The following TUBB8B variants were observed in gnomAD, a reference collection of about 807,000 sequenced individuals.
TUBB8B encodes the protein HSA18p11 beta-tubulin 4Q pseudogene.
A neutral mutation model predicts 31.9 loss-of-function variants in TUBB8B; 26 were observed. The observed-to-expected ratio is 0.81, with a 90% CI of 0.60 to 1.13. TUBB8B has a LOEUF of 1.13. Among genes scored for constraint, TUBB8B ranks in the 50% most tolerant of loss-of-function variants. The pLI is 0.00. For synonymous variants in TUBB8B, 173 were observed against 231.0 expected (o/e 0.75, Z 2.28); for missense variants, 467 against 586.7 (o/e 0.80, Z 2.11).
At chr18:66,414 T>G in the TUBB8B span, among the ~76,000 whole-genome samples, 13 of 152,040 alleles carry the variant, frequency 8.6e-5, no homozygotes, top group African/African-American at 3.1e-4. Flanking sequence ...TAGCCAGATG[T>G]GGTGGTGCAC....
upstream of TUBB8B, among the ~76,000 whole-genome samples, chr18:54,143 C>G (rs1331414331): frequency 5.3e-5 from 8 of 151,794 alleles, no homozygotes; most frequent in Non-Finnish European, 1.5e-5. Flanking sequence ...GACCCCTCTT[C>G]TTGGATAAGG....
upstream of TUBB8B, among the ~76,000 whole-genome samples, chr18:50,900 A>C (rs1474173711): frequency 3.3e-5 from 5 of 152,052 alleles, no homozygotes; most frequent in Non-Finnish European, 5.9e-5. Flanking sequence ...GCAGCAAAGC[A>C]GCATTCTAAC....
chr18:62,545 A>G, the TUBB8B span, among the ~76,000 whole-genome samples: 1 of 151,280 alleles, frequency 6.6e-6, no homozygotes, highest in Non-Finnish European at 1.5e-5. Flanking sequence ...CAGCCTCCCA[A>G]GGAGCTAGGA....
chr18:70,298 A>C, the TUBB8B span, among the ~76,000 whole-genome samples: 7 of 152,234 alleles, frequency 4.6e-5, no homozygotes, highest in East Asian at 1.4e-3. Context: ...ACTGATTACC[A>C]TAGAAAAGCT....
the TUBB8B span, among the ~76,000 whole-genome samples, chr18:66,622 T>C: frequency 6.6e-6 from 1 of 152,212 alleles, no homozygotes; most frequent in East Asian, 1.9e-4. Context: ...TCAGTTCTAT[T>C]GATTTATTCA....
the TUBB8B span, among the ~76,000 whole-genome samples, chr18:61,878 A>G: frequency 6.6e-6 from 1 of 151,810 alleles, no homozygotes; most frequent in East Asian, 1.9e-4. Context: ...ATTTTTGCAC[A>G]CCATAATTAC....
upstream of TUBB8B, among the ~76,000 whole-genome samples, chr18:52,445 TG>T (rs1272653740): frequency 6.6e-6 from 1 of 150,896 alleles, no homozygotes; most frequent in African/African-American, 2.5e-5. Context: ...CCTGTGGGCT[TG>T]GCCTCTAATC....
At chr18:61,634 T>C in the TUBB8B span, among the ~76,000 whole-genome samples, 1 of 132,080 alleles carries the variant, frequency 7.6e-6, no homozygotes, top group Non-Finnish European at 1.6e-5. Flanking sequence ...GATTTAAAAT[T>C]ACCATGAGGC....
At chr18:64,835 G>A in the TUBB8B span, among the ~76,000 whole-genome samples, 1 of 151,964 alleles carries the variant, frequency 6.6e-6, no homozygotes, top group Admixed American at 6.6e-5. Flanking sequence ...AATTCCTCAG[G>A]TATGTTTTCT....
chr18:72,177 C>CAAAAAAAAAAA, the TUBB8B span, among the ~76,000 whole-genome samples: 20 of 78,754 alleles, frequency 2.5e-4, no homozygotes, highest in African/African-American at 4.2e-4. Flanking sequence ...GACTCCATCT[C>CAAAAAAAAAAA]AAAAAAAAAA....
chr18:73,288 G>C, the TUBB8B span: 1 of 164,532 alleles, frequency 6.1e-6, no homozygotes, highest in African/African-American at 2.4e-5. Flanking sequence ...CACTCGCAGC[G>C]CGGGCAGGAA....
At chr18:49,341 C>T in intron 1 of TUBB8B, 104 bp from the exon 2 acceptor site, 3 of 993,134 alleles carry the variant, frequency 3.0e-6, no homozygotes, top group Non-Finnish European at 4.5e-6. Context: ...CCGCCCTGTC[C>T]CTGGGGTCCA....
rs748448260 is a variant in TUBB8B, at chr18:48,135, T to C, written c.590A>G (p.Asp197Gly). 6 of 1,614,178 alleles carry C rather than the reference T, an allele frequency of 3.7e-6. No homozygotes were observed. The highest frequency in any genetic ancestry group is 1.1e-5 in the South Asian group (1 of 91,084). Residue 197 changes from aspartate to glycine, a missense_variant, in exon 4 of 4, where the codon GAT becomes GGT. Asp to Gly is a moderately conservative substitution (Grantham distance 94). This residue lies in a region of TUBB8B where 259 missense variants were observed against 380.1 expected (regional missense o/e 0.68). Coordinates refer to ENST00000308911, the MANE Select transcript of TUBB8B (RefSeq NM_001358689.2). ...LSVHQLIENADETFCIDNEAL... is the reference protein window; with the variant it reads ...LSVHQLIENAGETFCIDNEAL... Reference sequence around the variant, plus strand: ...TTCGTTATCTATGCAGAAGGTCTCATCCGCGTTTTCTATGAGCTGGTGGAC... The same window carrying C: ...TTCGTTATCTATGCAGAAGGTCTCACCCGCGTTTTCTATGAGCTGGTGGAC...
chr18:49,720 C>A, upstream of TUBB8B: 4 of 696,568 alleles, frequency 5.7e-6, no homozygotes, highest in East Asian at 8.3e-5. Context: ...CACACAGGTG[C>A]ACCCACCTGT....
chr18:48,469 C>CA (rs1905845236), intron 3 of TUBB8B, 22 bp from the exon 4 acceptor site: 1 of 1,210,858 alleles, frequency 8.3e-7, no homozygotes, highest in Non-Finnish European at 1.2e-6. Flanking sequence ...CACAGCCGGT[C>CA]ACTCGACGGC....
At chr18:66,405 A>T in the TUBB8B span, among the ~76,000 whole-genome samples, 1 of 152,242 alleles carries the variant, frequency 6.6e-6, no homozygotes, top group Admixed American at 6.5e-5. Context: ...TCAAAAAATT[A>T]GCCAGATGTG....
chr18:50,423 G>A (rs1248426484), upstream of TUBB8B: 1 of 154,118 alleles, frequency 6.5e-6, no homozygotes, highest in African/African-American at 2.4e-5. Context: ...GTTCTCACCT[G>A]GATAGGTTCC....
chr18:68,550 A>G, the TUBB8B span, among the ~76,000 whole-genome samples: 28 of 152,098 alleles, frequency 1.8e-4, no homozygotes, highest in Admixed American at 6.6e-5. Flanking sequence ...GCAGATGCAG[A>G]CCCTGCGTTC....
chr18:48,813 G>T, intron 3 of TUBB8B, 127 bp downstream of exon 3: 1 of 764,510 alleles, frequency 1.3e-6, no homozygotes. Context: ...GAAGCGACTC[G>T]ACTCGGCGGA....
Sources: allele counts gnomAD v4.1 joint callset (sites outside exome capture counted in the v4.1 genomes callset), GRCh38; gene constraint gnomAD v4.1.1; regional missense constraint gnomAD v4.1.1; transcripts MANE v1.5; gene names NCBI Gene and HGNC (gene_info 2026-07-23, HGNC 2026-07-21).